The following MCPH1 variants were observed in gnomAD, a reference collection of about 807,000 sequenced individuals.
The protein encoded by MCPH1 is microcephalin 1, also known as microcephalin.
Under a neutral mutation model 84.5 loss-of-function variants are expected in MCPH1, and 104 were observed. That is an observed-to-expected ratio of 1.23 (90% CI 1.05 to 1.45). MCPH1 has a LOEUF of 1.45. Among genes scored for constraint, MCPH1 ranks in the 40% most tolerant of loss-of-function variants. The pLI is 0.00. For missense variants in MCPH1, 1,498 were observed against 1,005.7 expected (o/e 1.49, Z -6.62); for synonymous variants, 514 against 366.8 (o/e 1.40, Z -4.58).
intron 12 of MCPH1, among the ~76,000 whole-genome samples, chr8:6,535,682 T>G (rs1171816563): frequency 6.6e-6 from 1 of 152,190 alleles, no homozygotes; most frequent in Non-Finnish European, 1.5e-5. Flanking sequence ...CATTGCTAAT[T>G]AATTGAAGTC....
At position 6,534,524 on chromosome 8, in the gene MCPH1, C is replaced by G. The variant is rs376721830; in HGVS notation, c.2214+34595C>G. 1.6e-4 allele frequency among the ~76,000 whole-genome samples: 25 copies of G among 152,190 alleles called. No homozygotes were observed. The East Asian group carries it at 4.1e-3, about 25-fold the overall frequency. ...ACTCAAGCCATCCACCCGCCTCAGCCCCCCAAAGTGCTGGGACTACGAGCG... is the reference window on the plus strand; with the variant it reads ...ACTCAAGCCATCCACCCGCCTCAGCGCCCCAAAGTGCTGGGACTACGAGCG... On this transcript the variant is annotated intron_variant, in intron 12 of 13. Transcript: ENST00000344683.
chr8:6,584,586 G>T (rs368191743), intron 12 of MCPH1, among the ~76,000 whole-genome samples: 3 of 152,054 alleles, frequency 2.0e-5, no homozygotes, highest in Non-Finnish European at 2.9e-5. Flanking sequence ...CATTATAACC[G>T]GGGGAGGAAA....
In MCPH1 at chr8:6,505,262, TTA is replaced by T. The variant is rs1405057883; in HGVS notation, c.2214+5341_2214+5342del. On this transcript the variant is annotated intron_variant, in intron 12 of 13. Coordinates refer to ENST00000344683, the MANE Select transcript of MCPH1 (RefSeq NM_024596.5). ...AGAATATATATTCTTTATATATGTTTTATATATATGTATACATATATATGTTA... is the reference window on the plus strand; with the variant it reads ...AGAATATATATTCTTTATATATGTTTTATATATGTATACATATATATGTTA... Among the ~76,000 whole-genome samples, 8 of 23,438 alleles carry T rather than the reference TTA, an allele frequency of 3.4e-4. 1 individual carries two copies. Among genetic ancestry groups the T allele is most frequent in the East Asian group, 3.0e-3 (1 of 334 alleles). The allele number at this position is 23,438 out of a possible 152,430, so 15.4% of individuals were successfully genotyped here.
At chr8:6,513,929 G>C in intron 12 of MCPH1, 2 of 1,250,202 alleles carry the variant, frequency 1.6e-6, no homozygotes, top group South Asian at 3.2e-5. Context: ...ACTTAACATA[G>C]AATAACTATC....
chr8:6,634,921 G>C (rs992454639), intron 13 of MCPH1: 15 of 152,202 alleles, frequency 9.9e-5, no homozygotes, highest in African/African-American at 3.6e-4. Flanking sequence ...GGAGGTGTAG[G>C]TGTAGAAGAT....
intron 12 of MCPH1, among the ~76,000 whole-genome samples, chr8:6,530,262 G>A (rs1450419760): frequency 6.6e-6 from 1 of 152,016 alleles, no homozygotes; most frequent in African/African-American, 2.4e-5. Context: ...GATCCCAGCA[G>A]TTTGGGAGGC....
intron 12 of MCPH1, among the ~76,000 whole-genome samples, chr8:6,617,473 A>C (rs570467003): frequency 1.4e-4 from 21 of 151,990 alleles, no homozygotes; most frequent in Non-Finnish European, 2.4e-4. Context: ...TCAATATATA[A>C]ATAGATGAGC....
chr8:6,530,416 C>T (rs901649327), intron 12 of MCPH1, among the ~76,000 whole-genome samples: 8 of 149,190 alleles, frequency 5.4e-5, no homozygotes, highest in African/African-American at 1.7e-4. Flanking sequence ...GGCTAAGGCA[C>T]GAGAATCGCT....
In MCPH1 at chr8:6,642,981, G is replaced by C; in HGVS notation, c.2453-13G>C. The C allele has an allele frequency of 1.2e-6, 2 of 1,612,818 alleles. No homozygotes were observed. Among genetic ancestry groups the C allele is most frequent in the Non-Finnish European group, 1.7e-6 (2 of 1,179,146 alleles). The stretch of plus-strand genomic sequence containing the variant: ...TATTATGAATGCTAAACTGCTTTTC[G>C]CTCTCTCTCTAGATTCCATCACCCA... On this transcript the variant is annotated splice_polypyrimidine_tract_variant and intron_variant, in intron 13 of 13. Coordinates refer to ENST00000344683, the MANE Select transcript of MCPH1 (RefSeq NM_024596.5).
At chr8:6,475,345 A>G (rs771501605) in intron 9 of MCPH1, among the ~76,000 whole-genome samples, 2 of 152,212 alleles carry the variant, frequency 1.3e-5, no homozygotes, top group Admixed American at 6.5e-5. Flanking sequence ...CTAAACCAGT[A>G]TCAGGCATTC....
At position 6,644,711 on chromosome 8, in the gene MCPH1, C is replaced by T. The variant is rs1349285605; in HGVS notation, c.*1662C>T. ...GTCGGAGGTGCCACTGAGCCCTCAT[C>T]GTGGTGCCGTTCCCGCTCTGGGTTA... On this transcript the variant is annotated 3_prime_UTR_variant, in exon 14 of 14. Transcript: ENST00000344683. 4.6e-5 allele frequency: 7 copies of T among 152,184 alleles called. No individual in the cohort carries two copies. Among genetic ancestry groups the T allele is most frequent in the Admixed American group, 2.0e-4 (3 of 15,286 alleles). The allele number at this position is 152,184 out of a possible 1,614,324, so 9.4% of individuals were successfully genotyped here.
chr8:6,452,400 G>A (rs3020274), intron 8 of MCPH1, among the ~76,000 whole-genome samples: 74 of 152,352 alleles, frequency 4.9e-4, no homozygotes, highest in Middle Eastern at 3.4e-3. Context: ...TAAAAATGTG[G>A]GGTCTGTCAG....
At chr8:6,616,523 A>G (rs1385160681) in intron 12 of MCPH1, 1 of 152,276 alleles carries the variant, frequency 6.6e-6, no homozygotes, top group Non-Finnish European at 1.5e-5. Context: ...AGGCAAGCAC[A>G]GCCAATGTGG....
chr8:6,558,061 T>C (rs891600346), intron 12 of MCPH1, among the ~76,000 whole-genome samples: 1 of 152,212 alleles, frequency 6.6e-6, no homozygotes, highest in African/African-American at 2.4e-5. Flanking sequence ...CCTCAGTCTT[T>C]CAAATTTTGC....
intron 12 of MCPH1, among the ~76,000 whole-genome samples, chr8:6,523,636 CT>C (rs1817772410): frequency 6.6e-6 from 1 of 152,130 alleles, no homozygotes; most frequent in Admixed American, 6.5e-5. Context: ...GTGGCCTGGG[CT>C]GTTGTGCAGT....
chr8:6,645,113 C>T lies in MCPH1; in HGVS notation c.*2064C>T, dbSNP rs1798149588. On this transcript the variant is annotated 3_prime_UTR_variant, in exon 14 of 14. Coordinates refer to ENST00000344683, the MANE Select transcript of MCPH1 (RefSeq NM_024596.5). ...AGGAGGCTGACAAACATTGTGCTGA[C>T]TCATGCTGGAGACAAGCCACAGAGA... The T allele has an allele frequency of 6.6e-6, 1 of 152,344 alleles. No individual in the cohort carries two copies. Among genetic ancestry groups the T allele is most frequent in the Non-Finnish European group, 1.5e-5 (1 of 68,070 alleles). The allele number at this position is 152,344 out of a possible 1,614,324, so 9.4% of individuals were successfully genotyped here. A position where few individuals can be genotyped will look rare whatever the true frequency, so the allele number is the denominator to read the frequency against.
intron 1 of MCPH1, among the ~76,000 whole-genome samples, chr8:6,407,978 C>G (rs1177165371): frequency 1.3e-5 from 2 of 152,200 alleles, no homozygotes; most frequent in Non-Finnish European, 2.9e-5. Context: ...TAATATATTA[C>G]CTATGGTTAT....
intron 12 of MCPH1, among the ~76,000 whole-genome samples, chr8:6,542,357 G>C: frequency 6.6e-6 from 1 of 151,832 alleles, no homozygotes. Flanking sequence ...AGTTCTCTAA[G>C]AAACAGACAT....
chr8:6,494,411 A>G (rs1018145489), intron 11 of MCPH1: 2 of 152,144 alleles, frequency 1.3e-5, no homozygotes, highest in Non-Finnish European at 2.9e-5. Flanking sequence ...TTAATGGATA[A>G]GGCAGTGGAT....
Sources: allele counts gnomAD v4.1 joint callset (sites outside exome capture counted in the v4.1 genomes callset), GRCh38; gene constraint gnomAD v4.1.1; transcripts MANE v1.5; gene names NCBI Gene and HGNC (gene_info 2026-07-23, HGNC 2026-07-21).